Variants in FNTB observed in about 807,000 individuals in gnomAD.
FNTB encodes the protein protein farnesyltransferase subunit beta.
Under a neutral mutation model 59.4 loss-of-function variants are expected in FNTB, and 27 were observed. The observed-to-expected ratio is 0.45, with a 90% CI of 0.34 to 0.63. FNTB has a LOEUF of 0.63. FNTB is among the 20% of genes least tolerant of loss of function. The pLI, the probability that FNTB is intolerant of heterozygous loss-of-function variation, is 0.02. For missense variants in FNTB, 449 were observed against 559.6 expected (o/e 0.80, Z 1.99); for synonymous variants, 230 against 220.7 (o/e 1.04, Z -0.37).
At position 65,042,688 on chromosome 14, in the gene FNTB, T is replaced by C. The variant is rs151053686; in HGVS notation, c.823-1623T>C. 4.0e-4 allele frequency among the ~76,000 whole-genome samples: 61 copies of C among 152,324 alleles called. No homozygotes were observed. In the East Asian group the frequency reaches 6.4e-3, roughly 16 times the overall value. On this transcript the variant is annotated intron_variant, in intron 8 of 11. Coordinates refer to ENST00000246166, the MANE Select transcript of FNTB (RefSeq NM_002028.4). Reference sequence around the variant, plus strand: ...AGAAGTAGGACCCATATCTGAAGTATGAATTCCTATAGCCCAAGGAAACAG... The same window carrying C: ...AGAAGTAGGACCCATATCTGAAGTACGAATTCCTATAGCCCAAGGAAACAG...
intron 7 of FNTB, among the ~76,000 whole-genome samples, chr14:65,039,589 C>G (rs2062296837): frequency 6.6e-6 from 1 of 152,148 alleles, no homozygotes; most frequent in South Asian, 2.1e-4. Flanking sequence ...TGTTGCCCCT[C>G]TCCCATCCCT....
Position 65,001,472 on chromosome 14 carries a change from C to G in FNTB, c.145-2777C>G, listed in dbSNP as rs1240754852. 6.6e-6 allele frequency among the ~76,000 whole-genome samples: 1 copy of G among 152,126 alleles called. No homozygotes were observed. Among genetic ancestry groups the G allele is most frequent in the African/African-American group, 2.4e-5 (1 of 41,404 alleles). On this transcript the variant is annotated intron_variant, in intron 1 of 11. Coordinates refer to ENST00000246166, the MANE Select transcript of FNTB (RefSeq NM_002028.4). This position sits in a 1 kb window ranked among gnomAD's most constrained non-coding sequence, Gnocchi z 5.5. Reference sequence around the variant, plus strand: ...TGTGAGTATACTCTGATGTTCCCACCATGATGAAATCACCTAAGAAGGCGT... The same window carrying G: ...TGTGAGTATACTCTGATGTTCCCACGATGATGAAATCACCTAAGAAGGCGT...
Position 65,015,655 on chromosome 14 carries a change from T to G in FNTB, c.313T>G (p.Tyr105Asp), listed in dbSNP as rs1476119182. 5.6e-6 allele frequency: 9 copies of G among 1,614,016 alleles called. No homozygotes were observed. The highest frequency in any genetic ancestry group is 7.6e-6 in the Non-Finnish European group (9 of 1,180,032). ...GGATGCCAGCCGCCCATGGCTCTGCTATTGGATCCTGCACAGCTTGGAACT... is the reference window on the plus strand; with the variant it reads ...GGATGCCAGCCGCCCATGGCTCTGCGATTGGATCCTGCACAGCTTGGAACT... ...CLDASRPWLC[Y>D]WILHSLELLD... Residue 105 changes from tyrosine (Y) to aspartate (D), a missense_variant, in exon 4 of 12, where the codon TAT becomes GAT. Physicochemically the swap from Tyr to Asp is radical, Grantham distance 160. Transcript: ENST00000246166.
rs577721723 is a variant in FNTB, at chr14:65,002,434, C to G, written c.145-1815C>G. 2.6e-5 allele frequency among the ~76,000 whole-genome samples: 4 copies of G among 152,160 alleles called. No individual in the cohort carries two copies. In the South Asian group the frequency reaches 8.3e-4, roughly 32 times the overall value. ...GACCAGCCTGGCCAACATGGTGAAA[C>G]CTCATCTCTACTAAAACTACAAAAA... is the stretch of plus-strand genomic sequence containing the variant. On this transcript the variant is annotated intron_variant, in intron 1 of 11. Coordinates refer to ENST00000246166, the MANE Select transcript of FNTB (RefSeq NM_002028.4).
At chr14:64,995,484 A>G (rs1367233699) in intron 1 of FNTB, among the ~76,000 whole-genome samples, 1 of 152,076 alleles carries the variant, frequency 6.6e-6, no homozygotes, top group African/African-American at 2.4e-5. Flanking sequence ...CATGTGAGTA[A>G]TGCTTTGTGC....
At chr14:65,015,256 C>G (rs980856665) in intron 3 of FNTB, among the ~76,000 whole-genome samples, 5 of 152,010 alleles carry the variant, frequency 3.3e-5, no homozygotes, top group African/African-American at 1.2e-4. Flanking sequence ...GCGCACATCA[C>G]TATGCCCAGC....
intron 1 of FNTB, among the ~76,000 whole-genome samples, chr14:64,996,766 CTTTTTTTTTT>C (rs34327825): frequency 1.6e-4 from 15 of 94,444 alleles, no homozygotes; most frequent in African/African-American, 5.5e-4. Context: ...TTGCTAACAT[CTTTTTTTTTT>C]TTTTTTTTTT....
At position 65,031,306 on chromosome 14, in the gene FNTB, T is replaced by C. The variant is rs755147125; in HGVS notation, c.606-1304T>C. ...AGCAAGAATGATCCTAAATCAAGTA[T>C]AATAATTTTTTGTGTTTGTTTTTTT... is the stretch of plus-strand genomic sequence containing the variant. On this transcript the variant is annotated intron_variant, in intron 6 of 11. Transcript: ENST00000246166. This position sits in a 1 kb window ranked among gnomAD's most constrained non-coding sequence, Gnocchi z 4.6. Among the ~76,000 whole-genome samples the C allele has an allele frequency of 6.6e-6, 1 of 151,616 alleles. No homozygotes were observed. The highest frequency in any genetic ancestry group is 1.5e-5 in the Non-Finnish European group (1 of 67,892).
chr14:65,019,447 A>G (rs1287584592), intron 4 of FNTB, among the ~76,000 whole-genome samples: 1 of 152,184 alleles, frequency 6.6e-6, no homozygotes, highest in Non-Finnish European at 1.5e-5. Flanking sequence ...AGATCACACC[A>G]CTGCACTCCA....
At position 64,991,917 on chromosome 14, in the gene FNTB, G is replaced by A. The variant is rs1195349446; in HGVS notation, c.144+4820G>A. Among the ~76,000 whole-genome samples, 1 of 152,162 alleles carries A rather than the reference G, an allele frequency of 6.6e-6. No individual in the cohort carries two copies. The highest frequency in any genetic ancestry group is 2.4e-5 in the African/African-American group (1 of 41,438). On this transcript the variant is annotated intron_variant, in intron 1 of 11. Transcript: ENST00000246166. The surrounding 1 kb of genome is among the most constrained non-coding windows in gnomAD (Gnocchi z 4.4). ...GCTGGGCGGGTGGGCCCCTATCAGGGTATTAAGAGGCAGGTGATGTGCTGG... is the reference window on the plus strand; with the variant it reads ...GCTGGGCGGGTGGGCCCCTATCAGGATATTAAGAGGCAGGTGATGTGCTGG...
At position 65,012,632 on chromosome 14, in the gene FNTB, G is replaced by A. The variant is rs2061701753; in HGVS notation, c.282+243G>A. Among the ~76,000 whole-genome samples, 1 of 152,136 alleles carries A rather than the reference G, an allele frequency of 6.6e-6. No homozygotes were observed. The highest frequency in any genetic ancestry group is 1.5e-5 in the Non-Finnish European group (1 of 68,022). On this transcript the variant is annotated intron_variant, in intron 3 of 11. Coordinates refer to ENST00000246166, the MANE Select transcript of FNTB (RefSeq NM_002028.4). The surrounding 1 kb of genome is among the most constrained non-coding windows in gnomAD (Gnocchi z 5.0). ...AGGATGGGGCTTTCTTCTGTTACTA[G>A]ATGATGACTAAGGGGTTCACGTGCT... is the stretch of plus-strand genomic sequence containing the variant.
At position 65,030,367 on chromosome 14, in the gene FNTB, A is replaced by G. The variant is rs1248648489; in HGVS notation, c.606-2243A>G. ...CTGCTAAAAATGCTGGTAGGATCAT[A>G]ATGCATGCAGCTTCTGCAGAGACTT... On this transcript the variant is annotated intron_variant, in intron 6 of 11. Transcript: ENST00000246166. This position sits in a 1 kb window ranked among gnomAD's most constrained non-coding sequence, Gnocchi z 4.5. 1.3e-5 allele frequency among the ~76,000 whole-genome samples: 2 copies of G among 152,226 alleles called. No homozygotes were observed. The highest frequency in any genetic ancestry group is 4.8e-5 in the African/African-American group (2 of 41,452).
intron 1 of FNTB, among the ~76,000 whole-genome samples, chr14:64,995,233 T>A (rs1193377173): frequency 6.6e-6 from 1 of 152,204 alleles, no homozygotes; most frequent in Non-Finnish European, 1.5e-5. Flanking sequence ...TCTCCTAGGA[T>A]AACAGTGCGT....
At chr14:64,998,453 CA>C (rs11306791) in intron 1 of FNTB, among the ~76,000 whole-genome samples, 30,363 of 152,188 alleles carry the variant, frequency 0.2, 3,826 homozygotes, top group Non-Finnish European at 0.29. Flanking sequence ...GGATCAGTAA[CA>C]AGTGTGACCA....
chr14:65,045,636 G>T (rs751159175), intron 9 of FNTB, among the ~76,000 whole-genome samples: 1 of 152,140 alleles, frequency 6.6e-6, no homozygotes, highest in Non-Finnish European at 1.5e-5. Context: ...GGCTGTTCTT[G>T]AACTCCTTAC....
intron 11 of FNTB, among the ~76,000 whole-genome samples, chr14:65,056,900 C>T (rs1054532380): frequency 5.9e-5 from 9 of 152,192 alleles, no homozygotes; most frequent in African/African-American, 2.2e-4. Context: ...AATTCAAGGG[C>T]ATGGCTCTGG....
At chr14:65,002,486 G>A (rs1336921719) in intron 1 of FNTB, among the ~76,000 whole-genome samples, 1 of 152,196 alleles carries the variant, frequency 6.6e-6, no homozygotes, top group Non-Finnish European at 1.5e-5. Context: ...GTGGGCACCT[G>A]TAATCCTAGC....
chr14:65,009,289 T>G lies in FNTB; in HGVS notation c.210-3028T>G, dbSNP rs951749281. On this transcript the variant is annotated intron_variant, in intron 2 of 11. Coordinates refer to ENST00000246166, the MANE Select transcript of FNTB (RefSeq NM_002028.4). The surrounding 1 kb of genome is among the most constrained non-coding windows in gnomAD (Gnocchi z 4.2). ...AGACCAAGGTGTCAGCAGGCTTGGT[T>G]TCTCCTGAGGCTGCTGACTGGCTTC... 1.3e-5 allele frequency among the ~76,000 whole-genome samples: 2 copies of G among 152,150 alleles called. No homozygotes were observed. Among genetic ancestry groups the G allele is most frequent in the Admixed American group, 1.3e-4 (2 of 15,266 alleles).
chr14:65,014,101 G>A lies in FNTB; in HGVS notation c.283-1524G>A, dbSNP rs1052823289. On this transcript the variant is annotated intron_variant, in intron 3 of 11. Coordinates refer to ENST00000246166, the MANE Select transcript of FNTB (RefSeq NM_002028.4). This position sits in a 1 kb window ranked among gnomAD's most constrained non-coding sequence, Gnocchi z 5.1. ...TTTGAAGAGAGCAGCTTGGGCCAAC[G>A]GAAAGAACACTGGATTGACTCTAAA... 2.6e-5 allele frequency among the ~76,000 whole-genome samples: 4 copies of A among 152,086 alleles called. No homozygotes were observed. The highest frequency in any genetic ancestry group is 1.9e-4 in the East Asian group (1 of 5,186).
Sources: gnomAD v4.1 joint callset for allele counts (sites outside exome capture counted in the v4.1 genomes callset) on GRCh38, gnomAD v4.1.1 for gene constraint, Gnocchi (gnomAD v3.1) non-coding constraint, MANE v1.5 for transcripts, NCBI Gene and HGNC (gene_info 2026-07-23, HGNC 2026-07-21) for gene names.